Variants in PDLIM4 observed in about 807,000 individuals in gnomAD.
PDLIM4 encodes the protein PDZ and LIM domain 4.
PDLIM4 carries 19 observed loss-of-function variants against 31.3 expected under a neutral mutation model. The observed-to-expected ratio is 0.61, with a 90% CI of 0.42 to 0.89. The LOEUF (loss-of-function observed/expected upper bound fraction) is 0.89, where lower values mean the gene tolerates loss of function less well. Among genes scored for constraint, PDLIM4 ranks in the 40% least tolerant of loss-of-function variants. PDLIM4 has a pLI of 0.00. For missense variants in PDLIM4, 442 were observed against 461.1 expected (o/e 0.96, Z 0.38); for synonymous variants, 176 against 190.1 (o/e 0.93, Z 0.61).
chr5:132,260,541 A>G (rs549272581), intron 1 of PDLIM4, among the ~76,000 whole-genome samples: 3 of 152,190 alleles, frequency 2.0e-5, no homozygotes, highest in Admixed American at 2.0e-4. Flanking sequence ...CTTTCTCTCC[A>G]GATATGCCAT....
Position 132,262,747 on chromosome 5 carries a change from C to T in PDLIM4, c.232C>T (p.Leu78=). The T allele has an allele frequency of 6.2e-7, 1 of 1,613,590 alleles. No individual in the cohort carries two copies. The highest frequency in any genetic ancestry group is 8.5e-7 in the Non-Finnish European group (1 of 1,179,638). The part of the protein sequence containing the change: ...RIKGCHDHLT[L]SVSRPEGRSW... ...CAAGGGCTGCCACGATCACCTCACA[C>T]TGTCTGTGAGCAGGTATGCACAGGT... Residue 78 remains leucine, a synonymous_variant, in exon 2 of 7, where the codon CTG becomes TTG. Transcript: ENST00000253754.
intron 2 of PDLIM4, among the ~76,000 whole-genome samples, chr5:132,266,152 T>G (rs1432933427): frequency 6.6e-6 from 1 of 152,166 alleles, no homozygotes; most frequent in Non-Finnish European, 1.5e-5. Context: ...TGAGCTGAGC[T>G]TCTGTAGGCC....
intron 3 of PDLIM4, among the ~76,000 whole-genome samples, chr5:132,269,612 C>T (rs1241387734): frequency 6.6e-6 from 1 of 151,926 alleles, no homozygotes; most frequent in African/African-American, 2.4e-5. Context: ...TCCCACCCTA[C>T]AAAAAGCAGG....
intron 1 of PDLIM4, among the ~76,000 whole-genome samples, chr5:132,261,731 A>G (rs1027294757): frequency 9.3e-4 from 141 of 152,306 alleles, no homozygotes; most frequent in African/African-American, 3.2e-3. Context: ...CGAGGGGTCA[A>G]TAGTGGCACT....
At chr5:132,265,183 T>C (rs1756463637) in intron 2 of PDLIM4, among the ~76,000 whole-genome samples, 1 of 152,074 alleles carries the variant, frequency 6.6e-6, no homozygotes, top group Non-Finnish European at 1.5e-5. Flanking sequence ...GGGATGGGGG[T>C]TGACACATGA....
At chr5:132,271,615 G>A (rs762822899) in intron 5 of PDLIM4, 149 bp downstream of exon 5, 6 of 971,684 alleles carry the variant, frequency 6.2e-6, no homozygotes, top group African/African-American at 4.8e-5. Flanking sequence ...ACCTTGCTAC[G>A]CCCTGGCTTC....
rs1419915837 is a variant in PDLIM4, at chr5:132,257,816, A to G, written c.82A>G (p.Thr28Ala). The G allele has an allele frequency of 4.7e-6, 7 of 1,498,784 alleles. No homozygotes were observed. Among genetic ancestry groups the G allele is most frequent in the South Asian group, 1.2e-5 (1 of 80,788 alleles). 92.8% of individuals were successfully genotyped at this position (1,498,784 alleles called of 1,614,324 possible). Residue 28 changes from threonine (T) to alanine (A), a missense_variant, in exon 1 of 7, where the codon ACC becomes GCC. Coordinates refer to ENST00000253754, the MANE Select transcript of PDLIM4 (RefSeq NM_003687.4). This position sits in a 1 kb window ranked among gnomAD's most constrained non-coding sequence, Gnocchi z 4.3. ...CGGCCGGGACTTCAGCGCGCCCCTC[A>G]CCATCTCACGGGTGAGTCTGGCGGC... is the stretch of plus-strand genomic sequence containing the variant. ...VGGRDFSAPL[T>A]ISRVHAGSKA...
Position 132,272,097 on chromosome 5 carries a change from C to G in PDLIM4, c.861C>G (p.Asn287Lys), listed in dbSNP as rs373011444. ...TCATGTGCAGTGACTGCGGCCTGAA[C>G]CTCAAGCAGCGTGGTTACTTCTTTC... is the stretch of plus-strand genomic sequence containing the variant. ...ECFMCSDCGL[N>K]LKQRGYFFLD... Residue 287 changes from asparagine (N) to lysine (K), a missense_variant, in exon 7 of 7, where the codon AAC (asparagine) becomes AAG (lysine). Coordinates refer to ENST00000253754, the MANE Select transcript of PDLIM4 (RefSeq NM_003687.4). The G allele has an allele frequency of 6.2e-7, 1 of 1,614,110 alleles. No individual in the cohort carries two copies. The highest frequency in any genetic ancestry group is 1.3e-5 in the African/African-American group (1 of 74,956).
intron 3 of PDLIM4, among the ~76,000 whole-genome samples, chr5:132,268,272 C>T (rs1265065200): frequency 2.0e-5 from 3 of 152,218 alleles, no homozygotes; most frequent in Admixed American, 6.5e-5. Flanking sequence ...CACCCCCACC[C>T]CACCCCTGCA....
Position 132,272,088 on chromosome 5 carries a change from C to T in PDLIM4, c.852C>T (p.Cys284=), listed in dbSNP as rs771779039. 1.2e-6 allele frequency: 2 copies of T among 1,614,158 alleles called. No homozygotes were observed. The highest frequency in any genetic ancestry group is 2.2e-5 in the East Asian group (1 of 44,884). The change falls in exon 7 of 7, where the codon TGC becomes TGT. Residue 284 remains cysteine (C), a synonymous_variant. Coordinates refer to ENST00000253754, the MANE Select transcript of PDLIM4 (RefSeq NM_003687.4). ...YHPECFMCSD[C]GLNLKQRGYF... is the part of the protein sequence containing the mutation. ...CCGAGTGCTTCATGTGCAGTGACTG[C>T]GGCCTGAACCTCAAGCAGCGTGGTT...
intron 2 of PDLIM4, among the ~76,000 whole-genome samples, chr5:132,264,442 C>T (rs947153413): frequency 2.0e-5 from 3 of 152,184 alleles, no homozygotes; most frequent in Non-Finnish European, 4.4e-5. Context: ...GGAGAGATAA[C>T]TATGCTGTGC....
intron 1 of PDLIM4, among the ~76,000 whole-genome samples, chr5:132,258,150 C>T (rs1348657274): frequency 6.6e-6 from 1 of 152,210 alleles, no homozygotes; most frequent in Non-Finnish European, 1.5e-5. Context: ...GACAGCTCTA[C>T]AGAGGCCCAG....
intron 3 of PDLIM4, chr5:132,266,764 C>G (rs1463135834): frequency 2.4e-6 from 1 of 420,236 alleles, no homozygotes; most frequent in Non-Finnish European, 4.3e-6. Flanking sequence ...TCCGGGCAAT[C>G]CTGGATTCTG....
At chr5:132,266,646 C>G (rs530609709) in intron 3 of PDLIM4, 101 bp downstream of exon 3, 93 of 694,118 alleles carry the variant, frequency 1.3e-4, no homozygotes, top group Non-Finnish European at 2.0e-4. Flanking sequence ...CACTGGGGCT[C>G]TCAGATACCC....
chr5:132,271,665 A>T, intron 5 of PDLIM4, 126 bp from the exon 6 acceptor site: 1 of 933,096 alleles, frequency 1.1e-6, no homozygotes, highest in South Asian at 1.3e-5. Context: ...CCCTCACCCC[A>T]CGCCCGCCAA....
Position 132,271,418 on chromosome 5 carries a change from T to C in PDLIM4, c.622T>C (p.Ser208Pro). The change falls in exon 5 of 7, where the codon TCA becomes CCA. Residue 208 changes from serine (S) to proline (P), a missense_variant. By Grantham distance (74) the Ser-to-Pro change is moderately conservative. Transcript: ENST00000253754. ...GCCCGTGGCCGCGGAGCCCAAGCAG[T>C]CAGGCTCCTTCCGCTACTTGCAGGG... ...AEPVAAEPKQ[S>P]GSFRYLQGML... 1.2e-6 allele frequency: 2 copies of C among 1,608,976 alleles called. No individual in the cohort carries two copies. The highest frequency in any genetic ancestry group is 1.7e-6 in the Non-Finnish European group (2 of 1,179,908).
At chr5:132,259,137 C>CTGTGTGTGTGTGTGTGTGTG (rs70974028) in intron 1 of PDLIM4, among the ~76,000 whole-genome samples, 52 of 146,196 alleles carry the variant, frequency 3.6e-4, no homozygotes, top group East Asian at 6.1e-4. Flanking sequence ...AGGATTCCTG[C>CTGTGTGTGTGTGTGTGTGTG]TGTGTGTGTG....
rs1043272008 is a variant in PDLIM4, at chr5:132,266,553, C to G, written c.327+8C>G. Reference sequence around the variant, plus strand: ...ATCGATCCTGAGATCCAGGTATGTACAGACACTGCCTGGCCTGGCCTGGCT... The same window carrying G: ...ATCGATCCTGAGATCCAGGTATGTAGAGACACTGCCTGGCCTGGCCTGGCT... On this transcript the variant is annotated splice_region_variant and intron_variant, in intron 3 of 6. Transcript: ENST00000253754. 6.3e-7 allele frequency: 1 copy of G among 1,599,972 alleles called. No homozygotes were observed. The highest frequency in any genetic ancestry group is 8.6e-7 in the Non-Finnish European group (1 of 1,168,272).
Position 132,271,413 on chromosome 5 carries a change from A to G in PDLIM4, c.617A>G (p.Lys206Arg), listed in dbSNP as rs770591648. The part of the protein sequence containing the change: ...EPAEPVAAEP[K>R]QSGSFRYLQG... ...GCCGAGCCCGTGGCCGCGGAGCCCA[A>G]GCAGTCAGGCTCCTTCCGCTACTTG... Residue 206 changes from lysine to arginine, a missense_variant, in exon 5 of 7, where the codon AAG becomes AGG. Physicochemically the swap from Lys to Arg is conservative, Grantham distance 26 (BLOSUM62 2). Coordinates refer to ENST00000253754, the MANE Select transcript of PDLIM4 (RefSeq NM_003687.4). 2.5e-6 allele frequency: 4 copies of G among 1,609,038 alleles called. No individual in the cohort carries two copies. The highest frequency in any genetic ancestry group is 2.2e-5 in the East Asian group (1 of 44,872).
Sources: allele counts gnomAD v4.1 joint callset (sites outside exome capture counted in the v4.1 genomes callset), GRCh38; gene constraint gnomAD v4.1.1; non-coding constraint Gnocchi (gnomAD v3.1); transcripts MANE v1.5; gene names NCBI Gene and HGNC (gene_info 2026-07-23, HGNC 2026-07-21).